Variants in DIP2B observed in about 807,000 individuals in gnomAD.
DIP2B encodes the protein disco-interacting protein 2 homolog B.
In DIP2B, 76 loss-of-function variants were observed where a neutral mutation model predicts 198.0. That is an observed-to-expected ratio of 0.38 (90% CI 0.32 to 0.46). The LOEUF is 0.46. Ranked by LOEUF, DIP2B falls within the 20% of genes least tolerant of loss-of-function variation. The pLI, the probability that DIP2B is intolerant of heterozygous loss-of-function variation, is 0.99. For synonymous variants in DIP2B, 701 were observed against 739.1 expected (o/e 0.95, Z 0.84); for missense variants, 1,559 against 1,978.4 (o/e 0.79, Z 4.02).
At chr12:50,603,163 C>CA (rs749993395) in intron 1 of DIP2B, among the ~76,000 whole-genome samples, 7,041 of 124,350 alleles carry the variant, frequency 0.057, 202 homozygotes, top group Non-Finnish European at 0.081. Context: ...GACTCTGTCT[C>CA]AAAAAAAAAA....
intron 1 of DIP2B, among the ~76,000 whole-genome samples, chr12:50,555,477 G>C (rs1338554929): frequency 6.6e-6 from 1 of 151,936 alleles, no homozygotes; most frequent in South Asian, 2.1e-4. Context: ...GTTCTTTTTT[G>C]TCCTTATGGT....
intron 1 of DIP2B, among the ~76,000 whole-genome samples, chr12:50,602,450 G>A (rs562316688): frequency 6.6e-6 from 1 of 152,150 alleles, no homozygotes; most frequent in Non-Finnish European, 1.5e-5. Flanking sequence ...TGTATTTTTT[G>A]TAGAGACATG....
chr12:50,680,816 T>C, intron 9 of DIP2B, 53 bp downstream of exon 9: 2 of 1,460,672 alleles, frequency 1.4e-6, no homozygotes, highest in South Asian at 2.4e-5. Flanking sequence ...TTTTCTAATA[T>C]GCTAATATTC....
At chr12:50,640,605 T>A in intron 2 of DIP2B, 119 bp from the exon 3 acceptor site, 1 of 1,071,972 alleles carries the variant, frequency 9.3e-7, no homozygotes, top group Non-Finnish European at 1.3e-6. Flanking sequence ...ACTCTAACCC[T>A]TTACTGTAGA....
chr12:50,681,863 G>A (rs1385090743), intron 9 of DIP2B, among the ~76,000 whole-genome samples: 1 of 152,154 alleles, frequency 6.6e-6, no homozygotes, highest in East Asian at 1.9e-4. Context: ...TGTCTCCCTA[G>A]CAAGATGGAC....
Position 50,698,437 on chromosome 12 carries a change from G to A in DIP2B, c.2158G>A (p.Val720Ile), listed in dbSNP as rs373363498. 3.1e-6 allele frequency: 5 copies of A among 1,613,678 alleles called. No homozygotes were observed. In the African/African-American group the frequency reaches 5.3e-5, roughly 17 times the overall value. Residue 720 changes from valine (V) to isoleucine (I), a missense_variant, in exon 18 of 38, where the codon GTC (valine) becomes ATC (isoleucine). Coordinates refer to ENST00000301180, the MANE Select transcript of DIP2B (RefSeq NM_173602.3). ...NTEDKNSALT[V>I]QDVGHVMPGG... is the part of the protein sequence containing the mutation. ...TGAAGATAAAAATTCAGCACTGACG[G>A]TCCAGGATGTAGGGCATGTAATGCC...
At chr12:50,606,630 T>A (rs1211691880) in intron 1 of DIP2B, among the ~76,000 whole-genome samples, 3 of 152,158 alleles carry the variant, frequency 2.0e-5, no homozygotes, top group African/African-American at 7.2e-5. Context: ...GGCATACAAC[T>A]CATATCAGGA....
intron 1 of DIP2B, among the ~76,000 whole-genome samples, chr12:50,518,328 G>A (rs1234240612): frequency 1.3e-5 from 2 of 151,548 alleles, no homozygotes; most frequent in Admixed American, 1.3e-4. Context: ...GGGTTCAAGC[G>A]ATTCTGCTTC....
intron 1 of DIP2B, among the ~76,000 whole-genome samples, chr12:50,593,902 C>G: frequency 1.6e-5 from 1 of 61,552 alleles, no homozygotes. Flanking sequence ...CTCCCCTCTC[C>G]TCCCCTCCCC....
intron 1 of DIP2B, among the ~76,000 whole-genome samples, chr12:50,547,574 GC>G (rs897894239): frequency 6.6e-6 from 1 of 152,166 alleles, no homozygotes; most frequent in Non-Finnish European, 1.5e-5. Flanking sequence ...AAAAAAGTGA[GC>G]TAGAGTGTGT....
At chr12:50,632,032 G>A (rs1372381568) in intron 2 of DIP2B, among the ~76,000 whole-genome samples, 4 of 146,292 alleles carry the variant, frequency 2.7e-5, no homozygotes, top group Non-Finnish European at 6.0e-5. Context: ...GTCTCACTAT[G>A]TTGCCCAAGC....
chr12:50,576,365 C>CCTT (rs72377071), intron 1 of DIP2B, among the ~76,000 whole-genome samples: 778 of 51,716 alleles, frequency 0.015, 9 homozygotes, highest in African/African-American at 0.029. Context: ...CTGCACCCAG[C>CCTT]ATTTTTTTTT....
intron 23 of DIP2B, among the ~76,000 whole-genome samples, chr12:50,715,657 C>G (rs1347153736): frequency 6.6e-6 from 1 of 152,182 alleles, no homozygotes; most frequent in African/African-American, 2.4e-5. Context: ...CATTAGGCTC[C>G]CCAACCTCTA....
chr12:50,653,038 G>T (rs1261003316), intron 3 of DIP2B, among the ~76,000 whole-genome samples: 1 of 151,438 alleles, frequency 6.6e-6, no homozygotes, highest in Non-Finnish European at 1.5e-5. Context: ...CCACCTCCTG[G>T]GCTCAAGTGA....
At chr12:50,697,322 T>C in intron 17 of DIP2B, 147 bp downstream of exon 17, 1 of 655,658 alleles carries the variant, frequency 1.5e-6, no homozygotes, top group South Asian at 2.1e-5. Context: ...TCAAAGTGTA[T>C]GCAGTAAACT....
chr12:50,620,566 G>A (rs1464653720), intron 1 of DIP2B, among the ~76,000 whole-genome samples: 3 of 152,118 alleles, frequency 2.0e-5, no homozygotes, highest in African/African-American at 7.2e-5. Context: ...CCTGCCAAGC[G>A]CTGCAGGCAC....
intron 1 of DIP2B, among the ~76,000 whole-genome samples, chr12:50,613,700 G>A (rs1959050098): frequency 6.6e-6 from 1 of 152,134 alleles, no homozygotes; most frequent in African/African-American, 2.4e-5. Flanking sequence ...CACCCATAAA[G>A]CACTCACAGA....
At chr12:50,553,150 A>G (rs1050679229) in intron 1 of DIP2B, among the ~76,000 whole-genome samples, 1 of 152,164 alleles carries the variant, frequency 6.6e-6, no homozygotes, top group Non-Finnish European at 1.5e-5. Flanking sequence ...TTAGTTTTCT[A>G]TATGGTGTCA....
At chr12:50,544,712 G>C (rs1958360558) in intron 1 of DIP2B, among the ~76,000 whole-genome samples, 1 of 151,538 alleles carries the variant, frequency 6.6e-6, no homozygotes, top group Admixed American at 6.6e-5. Flanking sequence ...CCACTTCCCA[G>C]GTTCAAGCAA....
Sources: allele counts gnomAD v4.1 joint callset (sites outside exome capture counted in the v4.1 genomes callset), GRCh38; gene constraint gnomAD v4.1.1; transcripts MANE v1.5; gene names NCBI Gene and HGNC (gene_info 2026-07-23, HGNC 2026-07-21).